Variants in TOMM70 observed in about 807,000 individuals in gnomAD.
TOMM70 encodes translocase of outer mitochondrial membrane 70.
In TOMM70, 13 loss-of-function variants were observed where a neutral mutation model predicts 73.6. The observed-to-expected ratio is 0.18, with a 90% CI of 0.11 to 0.28. The LOEUF (loss-of-function observed/expected upper bound fraction) is 0.28. TOMM70 is among the 10% of genes least tolerant of loss of function. The pLI, the probability that TOMM70 is intolerant of heterozygous loss-of-function variation, is 1.00. For missense variants in TOMM70, 609 were observed against 747.5 expected (o/e 0.81, Z 2.16); for synonymous variants, 257 against 271.2 (o/e 0.95, Z 0.51).
intron 6 of TOMM70, among the ~76,000 whole-genome samples, chr3:100,376,119 G>C (rs937185862): frequency 6.6e-6 from 1 of 152,138 alleles, no homozygotes; most frequent in Non-Finnish European, 1.5e-5. Context: ...TGGTGGTTTT[G>C]GTTTGCATTT....
chr3:100,396,159 G>A (rs924611913), intron 1 of TOMM70, among the ~76,000 whole-genome samples: 3 of 152,092 alleles, frequency 2.0e-5, no homozygotes, highest in African/African-American at 7.2e-5. Context: ...TGTCATTGGT[G>A]TCCCTGATTG....
chr3:100,381,885 A>G, intron 4 of TOMM70, 122 bp from the exon 5 acceptor site: 1 of 1,006,964 alleles, frequency 9.9e-7, no homozygotes. Context: ...AATAACTAAA[A>G]TTAAGCTCCA....
chr3:100,388,927 C>CA (rs2148893497), intron 1 of TOMM70, among the ~76,000 whole-genome samples: 1 of 151,854 alleles, frequency 6.6e-6, no homozygotes, highest in Non-Finnish European at 1.5e-5. Context: ...GCCATGGAAA[C>CA]AGAGGACAGG....
Position 100,400,833 on chromosome 3 carries a change from C to A in TOMM70, c.117G>T (p.Trp39Cys). ...AGPGTGGLPR[W>C]QLALAVGAPL... Reference sequence around the variant, plus strand: ...GTGCCCCGACCGCCAGAGCCAGCTGCCATCGCGGCAGCCCCCCCGTGCCCG... The same window carrying A: ...GTGCCCCGACCGCCAGAGCCAGCTGACATCGCGGCAGCCCCCCCGTGCCCG... The change falls in exon 1 of 12, where the codon TGG (tryptophan) becomes TGT (cysteine). Residue 39 changes from tryptophan to cysteine, a missense_variant. Trp to Cys is a radical substitution (Grantham distance 215). Transcript: ENST00000284320. 6.6e-7 allele frequency: 1 copy of A among 1,523,712 alleles called. No individual in the cohort carries two copies. The highest frequency in any genetic ancestry group is 8.7e-7 in the Non-Finnish European group (1 of 1,143,216). The allele number at this position is 1,523,712 out of a possible 1,614,324, so 94.4% of individuals were successfully genotyped here.
chr3:100,400,154 A>C (rs1419341935), intron 1 of TOMM70, among the ~76,000 whole-genome samples: 1 of 152,156 alleles, frequency 6.6e-6, no homozygotes, highest in Non-Finnish European at 1.5e-5. Flanking sequence ...ACTAACCGTC[A>C]CTGTAGTTGC....
Position 100,400,844 on chromosome 3 carries a change from G to C in TOMM70, c.106C>G (p.Leu36Val). ...GGTAGPGTGG[L>V]PRWQLALAVG... is the part of the protein sequence containing the mutation. The stretch of plus-strand genomic sequence containing the variant: ...GCCAGAGCCAGCTGCCATCGCGGCA[G>C]CCCCCCCGTGCCCGGGCCCGCAGTC... Residue 36 changes from leucine to valine, a missense_variant, in exon 1 of 12, where the codon CTG becomes GTG. Physicochemically the swap from Leu to Val is conservative, Grantham distance 32 (BLOSUM62 1). Transcript: ENST00000284320. The C allele has an allele frequency of 6.6e-7, 1 of 1,523,174 alleles. No homozygotes were observed. The highest frequency in any genetic ancestry group is 8.8e-7 in the Non-Finnish European group (1 of 1,142,646). 94.4% of individuals were successfully genotyped at this position (1,523,174 alleles called of 1,614,324 possible).
chr3:100,390,584 T>C (rs902301596), intron 1 of TOMM70, among the ~76,000 whole-genome samples: 6 of 152,206 alleles, frequency 3.9e-5, no homozygotes, highest in African/African-American at 1.2e-4. Flanking sequence ...TCCCAGCACT[T>C]TGGGAGGCCA....
intron 9 of TOMM70, among the ~76,000 whole-genome samples, chr3:100,369,444 C>T (rs778332434): frequency 2.0e-5 from 3 of 151,902 alleles, no homozygotes; most frequent in Non-Finnish European, 4.4e-5. Context: ...ATCACATTCT[C>T]ATAGGTACAG....
intron 10 of TOMM70, 26 bp from the exon 11 acceptor site, chr3:100,368,192 G>A: frequency 6.2e-7 from 1 of 1,607,660 alleles, no homozygotes; most frequent in Non-Finnish European, 8.5e-7. Flanking sequence ...AATGTCAGAT[G>A]TGACCATGGC....
intron 6 of TOMM70, among the ~76,000 whole-genome samples, chr3:100,376,987 A>G (rs1358121079): frequency 2.0e-5 from 3 of 152,000 alleles, no homozygotes; most frequent in Non-Finnish European, 4.4e-5. Flanking sequence ...TCTCATTTTG[A>G]AAGAAACTTT....
chr3:100,394,400 G>C (rs762718491), intron 1 of TOMM70, among the ~76,000 whole-genome samples: 51 of 143,448 alleles, frequency 3.6e-4, no homozygotes, highest in Non-Finnish European at 6.6e-4. Flanking sequence ...TTGCTCTGTC[G>C]CCCAGGGGGG....
chr3:100,380,363 G>A (rs1233530678), intron 5 of TOMM70, among the ~76,000 whole-genome samples: 2 of 151,638 alleles, frequency 1.3e-5, no homozygotes, highest in East Asian at 1.9e-4. Flanking sequence ...AAGAGAAAAC[G>A]AAAACACAAA....
chr3:100,370,868 G>A (rs531976632), intron 9 of TOMM70, among the ~76,000 whole-genome samples: 1 of 152,186 alleles, frequency 6.6e-6, no homozygotes, highest in South Asian at 2.1e-4. Flanking sequence ...AAGTTCTGCA[G>A]AGGAGTTGTT....
chr3:100,394,978 C>T (rs1249262369), intron 1 of TOMM70, among the ~76,000 whole-genome samples: 1 of 152,146 alleles, frequency 6.6e-6, no homozygotes, highest in Non-Finnish European at 1.5e-5. Flanking sequence ...TAACTCTTTA[C>T]CTAGGAAGAA....
intron 4 of TOMM70, among the ~76,000 whole-genome samples, chr3:100,383,353 C>T (rs1331674357): frequency 6.6e-6 from 1 of 151,980 alleles, no homozygotes; most frequent in African/African-American, 2.4e-5. Flanking sequence ...GAAACCCTGC[C>T]TCTACTAAAG....
chr3:100,367,096 C>T (rs1306339817), intron 11 of TOMM70, among the ~76,000 whole-genome samples: 1 of 152,160 alleles, frequency 6.6e-6, no homozygotes, highest in Non-Finnish European at 1.5e-5. Context: ...TGGTGCATGC[C>T]TGTAGTCCCA....
intron 1 of TOMM70, among the ~76,000 whole-genome samples, chr3:100,399,054 G>A (rs1196128558): frequency 6.6e-6 from 1 of 152,128 alleles, no homozygotes; most frequent in African/African-American, 2.4e-5. Context: ...GGCCAAGATG[G>A]GCAGATCACC....
At chr3:100,400,522 C>T in intron 1 of TOMM70, 104 bp downstream of exon 1, 4 of 1,353,376 alleles carry the variant, frequency 3.0e-6, no homozygotes, top group Non-Finnish European at 4.1e-6. Flanking sequence ...TGTGCTGCCG[C>T]TTGGCAGCTT....
Position 100,400,679 on chromosome 3 carries a change from T to C in TOMM70, c.271A>G (p.Ser91Gly), listed in dbSNP as rs1336024568. The C allele has an allele frequency of 6.2e-7, 1 of 1,612,408 alleles. No homozygotes were observed. The highest frequency in any genetic ancestry group is 8.5e-7 in the Non-Finnish European group (1 of 1,179,764). Residue 91 changes from serine (S) to glycine (G), a missense_variant, in exon 1 of 12, where the codon AGT (serine) becomes GGT (glycine). Physicochemically the swap from Ser to Gly is moderately conservative, Grantham distance 56. This residue lies in a region of TOMM70 where 177 missense variants were observed against 163.5 expected (regional missense o/e 1.08). Coordinates refer to ENST00000284320, the MANE Select transcript of TOMM70 (RefSeq NM_014820.5). ...GGGTGTCCGCTGCCCGGGGCCGGAC[T>C]GGCCCTGCCCTCCGGGGTCTTCCGT... ...SERKTPEGRA[S>G]PAPGSGHPEG... is the part of the protein sequence containing the mutation.
Sources: gnomAD v4.1 joint callset for allele counts (sites outside exome capture counted in the v4.1 genomes callset) on GRCh38, gnomAD v4.1.1 for gene constraint, gnomAD v4.1.1 regional missense constraint, MANE v1.5 for transcripts, NCBI Gene and HGNC (gene_info 2026-07-23, HGNC 2026-07-21) for gene names.